TENM2: variants seen among roughly 807,000 people sequenced by gnomAD.
TENM2 encodes the protein teneurin transmembrane protein 2.
TENM2 carries 52 observed loss-of-function variants against 245.2 expected under a neutral mutation model. That is an observed-to-expected ratio of 0.21 (90% CI 0.17 to 0.27). TENM2 has a LOEUF of 0.27. TENM2 is among the 10% of genes least tolerant of loss of function. The pLI is 1.00. For synonymous variants in TENM2, 1,363 were observed against 1,438.9 expected (o/e 0.95, Z 1.19); for missense variants, 3,046 against 3,666.8 (o/e 0.83, Z 4.37).
At chr5:167,842,888 G>A (rs867318135) in intron 2 of TENM2, among the ~76,000 whole-genome samples, 107 of 152,286 alleles carry the variant, frequency 7.0e-4, no homozygotes, top group Middle Eastern at 6.8e-3. Context: ...TAACACAGTT[G>A]GCTCCTATCA....
At chr5:168,135,633 G>A (rs948412087) in intron 12 of TENM2, among the ~76,000 whole-genome samples, 1 of 151,946 alleles carries the variant, frequency 6.6e-6, no homozygotes, top group Non-Finnish European at 1.5e-5. Flanking sequence ...CGAAATTTAA[G>A]TATTTCATCA....
At chr5:168,151,573 G>A (rs1471899817) in intron 12 of TENM2, among the ~76,000 whole-genome samples, 1 of 152,202 alleles carries the variant, frequency 6.6e-6, no homozygotes, top group Non-Finnish European at 1.5e-5. Flanking sequence ...TTTGCAAATG[G>A]AGAAACTAAG....
the TENM2 span, among the ~76,000 whole-genome samples, chr5:167,082,660 C>A: frequency 3.9e-5 from 6 of 152,158 alleles, no homozygotes; most frequent in Non-Finnish European, 8.8e-5. Flanking sequence ...TTTGCAACTA[C>A]TGTGACTCTA....
At chr5:168,054,820 G>T (rs1486243249) in intron 6 of TENM2, among the ~76,000 whole-genome samples, 2 of 152,178 alleles carry the variant, frequency 1.3e-5, no homozygotes, top group Non-Finnish European at 2.9e-5. Context: ...TATAGAGTTG[G>T]ACTATCCTGT....
At chr5:167,899,890 T>A (rs1196043958) in intron 3 of TENM2, among the ~76,000 whole-genome samples, 1 of 152,072 alleles carries the variant, frequency 6.6e-6, no homozygotes, top group Non-Finnish European at 1.5e-5. Flanking sequence ...CAAAGAGAAA[T>A]AAAAGCAAGT....
chr5:167,149,579 C>G, the TENM2 span, among the ~76,000 whole-genome samples: 1 of 152,110 alleles, frequency 6.6e-6, no homozygotes, highest in Non-Finnish European at 1.5e-5. Flanking sequence ...ACCTGATTCC[C>G]AGGGTCCAGC....
chr5:167,820,745 G>C (rs1395922204), intron 2 of TENM2, among the ~76,000 whole-genome samples: 5 of 152,182 alleles, frequency 3.3e-5, no homozygotes, highest in African/African-American at 1.2e-4. Flanking sequence ...CATCTTGCTA[G>C]CCTTTTAGAG....
At chr5:167,398,434 ATTT>A (rs796625197) in intron 2 of TENM2, among the ~76,000 whole-genome samples, 1 of 65,600 alleles carries the variant, frequency 1.5e-5, no homozygotes. Context: ...CTTTCTTACT[ATTT>A]TTTTTTTTTT....
chr5:167,841,056 T>C (rs1174695239), intron 2 of TENM2, among the ~76,000 whole-genome samples: 1 of 109,696 alleles, frequency 9.1e-6, no homozygotes, highest in Non-Finnish European at 2.0e-5. Context: ...AAAATTGTCA[T>C]CCTCATTTTT....
At chr5:167,705,675 G>A (rs189895567) in intron 2 of TENM2, among the ~76,000 whole-genome samples, 3 of 152,140 alleles carry the variant, frequency 2.0e-5, no homozygotes, top group East Asian at 3.9e-4. Context: ...CAAACTTAGT[G>A]ATAATTTAGG....
chr5:167,748,058 C>G (rs1459887460), intron 2 of TENM2, among the ~76,000 whole-genome samples: 4 of 152,162 alleles, frequency 2.6e-5, no homozygotes, highest in Admixed American at 2.6e-4. Context: ...CCTATCAAAT[C>G]TGCTTTTTGA....
At chr5:167,957,930 C>T (rs1780690000) in intron 4 of TENM2, among the ~76,000 whole-genome samples, 1 of 152,166 alleles carries the variant, frequency 6.6e-6, no homozygotes, top group Admixed American at 6.5e-5. Flanking sequence ...TGATGTGGTA[C>T]TGAGAAGAAT....
At chr5:167,066,016 C>G in the TENM2 span, among the ~76,000 whole-genome samples, 10 of 152,286 alleles carry the variant, frequency 6.6e-5, no homozygotes, top group African/African-American at 2.4e-4. Context: ...GTGGTCCACT[C>G]ACTTGATCTC....
At chr5:167,985,962 C>A (rs1783215935) in intron 4 of TENM2, among the ~76,000 whole-genome samples, 1 of 152,204 alleles carries the variant, frequency 6.6e-6, no homozygotes, top group South Asian at 2.1e-4. Flanking sequence ...TAGTCAAGCT[C>A]CTTCTGTATC....
intron 7 of TENM2, among the ~76,000 whole-genome samples, chr5:168,086,049 T>TG (rs1792426410): frequency 6.6e-6 from 1 of 152,182 alleles, no homozygotes; most frequent in Non-Finnish European, 1.5e-5. Context: ...CCCCCCTTTT[T>TG]GGGGGGTCCT....
chr5:168,189,828 G>T (rs1265471353), intron 13 of TENM2, among the ~76,000 whole-genome samples: 1 of 152,050 alleles, frequency 6.6e-6, no homozygotes, highest in East Asian at 1.9e-4. Flanking sequence ...GGTTGGTCTC[G>T]AATTCCTGGG....
the TENM2 span, among the ~76,000 whole-genome samples, chr5:167,228,760 A>G: frequency 6.6e-6 from 1 of 150,830 alleles, no homozygotes; most frequent in Non-Finnish European, 1.5e-5. Context: ...GCTGGAGTTC[A>G]GTGGCGCAAT....
chr5:167,007,227 T>C, the TENM2 span, among the ~76,000 whole-genome samples: 1 of 152,200 alleles, frequency 6.6e-6, no homozygotes, highest in Non-Finnish European at 1.5e-5. This position sits in a 1 kb window ranked among gnomAD's most constrained non-coding sequence, Gnocchi z 4.2. Context: ...AGAATGACTA[T>C]GCTTGCTTGC....
chr5:168,241,113 G>A (rs1183901904), intron 25 of TENM2: 1 of 152,098 alleles, frequency 6.6e-6, no homozygotes, highest in East Asian at 1.9e-4. Context: ...CTACTACTCA[G>A]CCTTTGCCTT....
Sources: gnomAD v4.1 joint callset for allele counts (sites outside exome capture counted in the v4.1 genomes callset) on GRCh38, gnomAD v4.1.1 for gene constraint, Gnocchi (gnomAD v3.1) non-coding constraint, MANE v1.5 for transcripts, NCBI Gene and HGNC (gene_info 2026-07-23, HGNC 2026-07-21) for gene names.